Variants in CRAMP1 observed in about 807,000 individuals in gnomAD.
CRAMP1 encodes protein cramped-like.
CRAMP1 carries 50 observed loss-of-function variants against 115.4 expected under a neutral mutation model. The observed-to-expected ratio is 0.43, with a 90% CI of 0.35 to 0.55. The LOEUF (loss-of-function observed/expected upper bound fraction) is 0.55. Ranked by LOEUF, CRAMP1 falls within the 20% of genes least tolerant of loss-of-function variation. The probability of loss-of-function intolerance (pLI) is 0.01; values close to 1 mark genes in which losing one functional copy is unlikely to be tolerated. For missense variants in CRAMP1, 1,679 were observed against 1,721.7 expected (o/e 0.98, Z 0.44); for synonymous variants, 866 against 745.4 (o/e 1.16, Z -2.64).
chr16:1,665,725 G>A (rs934800191), intron 14 of CRAMP1: 12 of 271,720 alleles, frequency 4.4e-5, no homozygotes, highest in South Asian at 2.3e-4. Flanking sequence ...AAATTGCAGT[G>A]GCAGCATCTT....
intron 17 of CRAMP1, 143 bp downstream of exon 17, chr16:1,667,543 C>T: frequency 1.5e-6 from 1 of 687,380 alleles, no homozygotes; most frequent in Non-Finnish European, 2.6e-6. Flanking sequence ...ACCTGCTGTG[C>T]CGACTGCCCA....
In CRAMP1 at chr16:1,675,808, T is replaced by C. The variant is rs2036962632; in HGVS notation, c.*1763T>C. On this transcript the variant is annotated 3_prime_UTR_variant, in exon 21 of 21. Transcript: ENST00000397412. ...GATCTTAAGCAAACAGTCCCAAACC[T>C]CTTAGGGGTGAAAAAAGAAACATGC... The C allele has an allele frequency of 6.6e-6, 1 of 152,152 alleles. No homozygotes were observed. Among genetic ancestry groups the C allele is most frequent in the Non-Finnish European group, 1.5e-5 (1 of 68,050 alleles). The allele number at this position is 152,152 out of a possible 1,614,324, so 9.4% of individuals were successfully genotyped here. A position where few individuals can be genotyped will look rare whatever the true frequency, so the allele number is the denominator to read the frequency against.
intron 8 of CRAMP1, among the ~76,000 whole-genome samples, chr16:1,653,467 G>A (rs1239394028): frequency 1.3e-5 from 2 of 152,180 alleles, no homozygotes; most frequent in Admixed American, 6.5e-5. Flanking sequence ...CCCGCTTCTT[G>A]GAGACTCGTG....
chr16:1,652,057 GGAGAGGTAGACT>G (rs2036728865), intron 6 of CRAMP1, among the ~76,000 whole-genome samples: 1 of 152,148 alleles, frequency 6.6e-6, no homozygotes, highest in South Asian at 2.1e-4. Flanking sequence ...GAGAGGTCAC[GGAGAGGTAGACT>G]GAGAGGTCAT....
intron 6 of CRAMP1, among the ~76,000 whole-genome samples, chr16:1,644,605 A>G (rs2036658474): frequency 1.3e-5 from 2 of 152,180 alleles, no homozygotes; most frequent in African/African-American, 4.8e-5. Flanking sequence ...ATCAGGGGCC[A>G]CACAAAGAGT....
Position 1,672,842 on chromosome 16 carries a change from C to T in CRAMP1, c.3646-1039C>T, listed in dbSNP as rs1303852091. 6.6e-6 allele frequency among the ~76,000 whole-genome samples: 1 copy of T among 152,258 alleles called. No individual in the cohort carries two copies. On this transcript the variant is annotated intron_variant, in intron 20 of 20. Transcript: ENST00000397412. This position sits in a 1 kb window ranked among gnomAD's most constrained non-coding sequence, Gnocchi z 4.9. ...GCCGAGGCCCTCCCGTCCTCCGTCT[C>T]CTCAGCTCTGTGCTGCCTCACTCAC...
intron 5 of CRAMP1, among the ~76,000 whole-genome samples, chr16:1,638,109 C>T (rs1276916290): frequency 6.6e-6 from 1 of 152,198 alleles, no homozygotes; most frequent in African/African-American, 2.4e-5. Context: ...TGCTCTCTTT[C>T]TCCATGCACA....
intron 2 of CRAMP1, among the ~76,000 whole-genome samples, chr16:1,619,557 G>C (rs551405684): frequency 6.6e-6 from 1 of 152,220 alleles, no homozygotes; most frequent in Middle Eastern, 3.2e-3. Context: ...TTGTAGTTTA[G>C]TTGGGATATC....
At position 1,655,905 on chromosome 16, in the gene CRAMP1, A is replaced by G. The variant is rs1362591651; in HGVS notation, c.1148A>G (p.Gln383Arg). 1 of 1,611,196 alleles carries G rather than the reference A, an allele frequency of 6.2e-7. No homozygotes were observed. The highest frequency in any genetic ancestry group is 1.7e-5 in the Admixed American group (1 of 59,958). ...VRKTLEERQL[Q>R]DSCSAPMQEK... ...AAGACACTCGAGGAGCGGCAGCTGC[A>G]GGACTCATGCTCCGCACCGATGCAG... The change falls in exon 10 of 21, where the codon CAG becomes CGG. Residue 383 changes from glutamine (Q) to arginine (R), a missense_variant. Coordinates refer to ENST00000397412, the MANE Select transcript of CRAMP1 (RefSeq NM_020825.4).
intron 3 of CRAMP1, among the ~76,000 whole-genome samples, chr16:1,629,948 G>A (rs77519756): frequency 0.018 from 2,715 of 152,064 alleles, 87 homozygotes; most frequent in African/African-American, 0.061. Context: ...CCTAAAATGT[G>A]TCAGTGTGTC....
chr16:1,653,987 A>G (rs2036747416), intron 8 of CRAMP1, among the ~76,000 whole-genome samples: 2 of 149,308 alleles, frequency 1.3e-5, no homozygotes. Flanking sequence ...TAAAAATACA[A>G]AAAAAATTAG....
intron 5 of CRAMP1, among the ~76,000 whole-genome samples, chr16:1,638,706 C>A (rs1030813303): frequency 3.9e-4 from 59 of 152,160 alleles, no homozygotes; most frequent in African/African-American, 1.4e-3. Flanking sequence ...ACTGCACGAC[C>A]ACGCCAGCTA....
At position 1,614,419 on chromosome 16, in the gene CRAMP1, G is replaced by A. The variant is rs1433616260; in HGVS notation, c.-1-220G>A. Among the ~76,000 whole-genome samples the A allele has an allele frequency of 6.9e-6, 1 of 145,478 alleles. No individual in the cohort carries two copies. Among genetic ancestry groups the A allele is most frequent in the African/African-American group, 2.5e-5 (1 of 40,630 alleles). On this transcript the variant is annotated intron_variant, in intron 1 of 20. Coordinates refer to ENST00000397412, the MANE Select transcript of CRAMP1 (RefSeq NM_020825.4). The surrounding 1 kb of genome is among the most constrained non-coding windows in gnomAD (Gnocchi z 4.4). ...CGAGCCTCGGCCAGGGGGCGTCCGG[G>A]GAGGCCCGGGAGGGTCCCGGGCTGG...
chr16:1,631,704 C>G (rs906094395), intron 3 of CRAMP1, among the ~76,000 whole-genome samples: 1 of 152,228 alleles, frequency 6.6e-6, no homozygotes, highest in African/African-American at 2.4e-5. Context: ...AAGGGTTGGC[C>G]TCCACGTATA....
intron 6 of CRAMP1, among the ~76,000 whole-genome samples, chr16:1,648,932 G>A (rs542073646): frequency 1.2e-4 from 19 of 152,034 alleles, no homozygotes; most frequent in African/African-American, 3.9e-4. Context: ...GGTGGCAGGC[G>A]CCTGTAGTCC....
rs2036447212 is a variant in CRAMP1 at position 1,619,364 on chromosome 16, A to G, written c.346+4379A>G. On this transcript the variant is annotated intron_variant, in intron 2 of 20. Coordinates refer to ENST00000397412, the MANE Select transcript of CRAMP1 (RefSeq NM_020825.4). The stretch of plus-strand genomic sequence containing the variant: ...CCCGACTAATTTTTTTTATTTTAGT[A>G]GAGATGGGGTTTTACCGTATGGCCC... 2.6e-5 allele frequency among the ~76,000 whole-genome samples: 4 copies of G among 152,238 alleles called. No homozygotes were observed. In the South Asian group the frequency reaches 8.3e-4, roughly 32 times the overall value.
chr16:1,652,490 T>C lies in CRAMP1; in HGVS notation c.828-6T>C, dbSNP rs1484919449. On this transcript the variant is annotated splice_region_variant and splice_polypyrimidine_tract_variant and intron_variant, in intron 6 of 20. Coordinates refer to ENST00000397412, the MANE Select transcript of CRAMP1 (RefSeq NM_020825.4). ...CCTCAGCGTTCCTTCAAAACTCTTT[T>C]CCCAGGGCCACCACTGTACGTTACA... 2 of 1,551,188 alleles carry C rather than the reference T, an allele frequency of 1.3e-6. No individual in the cohort carries two copies. Among genetic ancestry groups the C allele is most frequent in the Non-Finnish European group, 8.7e-7 (1 of 1,146,672 alleles).
chr16:1,620,662 T>C, intron 2 of CRAMP1: 1 of 456,992 alleles, frequency 2.2e-6, no homozygotes, highest in Non-Finnish European at 4.4e-6. Context: ...AAGGCCCAGC[T>C]CTGGCTGTCT....
chr16:1,648,553 C>G (rs193143291), intron 6 of CRAMP1, among the ~76,000 whole-genome samples: 2 of 147,330 alleles, frequency 1.4e-5, no homozygotes, highest in Non-Finnish European at 3.0e-5. Flanking sequence ...TGCAGTGAGC[C>G]GAGATTGCAC....
Sources: gnomAD v4.1 joint callset for allele counts (sites outside exome capture counted in the v4.1 genomes callset) on GRCh38, gnomAD v4.1.1 for gene constraint, Gnocchi (gnomAD v3.1) non-coding constraint, MANE v1.5 for transcripts, NCBI Gene and HGNC (gene_info 2026-07-23, HGNC 2026-07-21) for gene names.